FGF1: variants seen among roughly 807,000 people sequenced by gnomAD.
The protein encoded by FGF1 is beta-endothelial cell growth factor.
Under a neutral mutation model 13.4 loss-of-function variants are expected in FGF1, and 9 were observed. The observed-to-expected ratio is 0.67, with a 90% CI of 0.40 to 1.17. The LOEUF (loss-of-function observed/expected upper bound fraction) is 1.17, where lower values mean the gene tolerates loss of function less well. FGF1 is among the 50% of genes most tolerant of loss of function. The pLI, the probability that FGF1 is intolerant of heterozygous loss-of-function variation, is 0.01. For missense variants in FGF1, 156 were observed against 192.7 expected, an observed-to-expected ratio of 0.81 and a Z score of 1.13; for synonymous variants, 93 against 79.0, an observed-to-expected ratio of 1.18 and a Z score of -0.94.
chr5:142,685,286 C>A (rs930207002), intron 1 of FGF1, among the ~76,000 whole-genome samples: 2 of 152,202 alleles, frequency 1.3e-5, no homozygotes, highest in Non-Finnish European at 2.9e-5. Flanking sequence ...AAGAAGTAAT[C>A]CGAGTGACCA....
intron 1 of FGF1, among the ~76,000 whole-genome samples, chr5:142,673,284 C>T (rs1387589563): frequency 3.3e-5 from 5 of 151,984 alleles, no homozygotes; most frequent in Admixed American, 2.0e-4. Context: ...CTTAGTTGAT[C>T]CAAAAATTCC....
At chr5:142,673,872 T>G (rs1335355540) in intron 1 of FGF1, among the ~76,000 whole-genome samples, 1 of 152,180 alleles carries the variant, frequency 6.6e-6, no homozygotes, top group African/African-American at 2.4e-5. Flanking sequence ...TCCACTGCAC[T>G]CAGAACAAAG....
intron 3 of FGF1, among the ~76,000 whole-genome samples, chr5:142,600,392 GGAAT>G (rs898305039): frequency 1.2e-4 from 18 of 151,854 alleles, no homozygotes; most frequent in African/African-American, 3.6e-4. Flanking sequence ...AAACATTTTT[GGAAT>G]GAATGAATGA....
chr5:142,693,820 G>A (rs1435544564), intron 2 of FGF1, among the ~76,000 whole-genome samples: 1 of 152,078 alleles, frequency 6.6e-6, no homozygotes, highest in Non-Finnish European at 1.5e-5. Context: ...ATGTCCTCAA[G>A]GTTCTTCTGT....
intron 2 of FGF1, among the ~76,000 whole-genome samples, chr5:142,605,509 C>T (rs893750094): frequency 1.3e-5 from 2 of 152,068 alleles, no homozygotes; most frequent in African/African-American, 4.8e-5. Context: ...GGCCATGGGG[C>T]TGAATAGGGT....
chr5:142,647,229 C>T (rs1766330367), intron 1 of FGF1, among the ~76,000 whole-genome samples: 1 of 152,108 alleles, frequency 6.6e-6, no homozygotes, highest in South Asian at 2.1e-4. Context: ...TGAAGTTGCC[C>T]CCTCACCACC....
intron 1 of FGF1, among the ~76,000 whole-genome samples, chr5:142,654,216 C>T (rs1767762515): frequency 6.6e-6 from 1 of 152,234 alleles, no homozygotes; most frequent in African/African-American, 2.4e-5. Context: ...GCATCCAGGT[C>T]TTTTTCTAAC....
chr5:142,681,436 A>T (rs1005506968), intron 1 of FGF1, among the ~76,000 whole-genome samples: 4 of 152,072 alleles, frequency 2.6e-5, no homozygotes, highest in African/African-American at 9.7e-5. Flanking sequence ...CCTGGTCAGA[A>T]AAACCTTAGC....
chr5:142,661,799 T>C lies in FGF1; in HGVS notation c.-35+24158A>G, dbSNP rs185100703. On this transcript the variant is annotated intron_variant, in intron 1 of 3. Transcript: ENST00000337706. ...CGGGCAGATCACGAGGTCAGGAGAT[T>C]GAGACCATCCTGGCTAACACGATGA... Among the ~76,000 whole-genome samples the C allele has an allele frequency of 1.0e-3, 159 of 152,208 alleles. 2 individuals carry two copies. The Middle Eastern group carries it at 0.014, about 13-fold the overall frequency.
At chr5:142,689,053 C>T (rs1751715867), upstream of FGF1, among the ~76,000 whole-genome samples, 1 of 152,196 alleles carries the variant, frequency 6.6e-6, no homozygotes, top group African/African-American at 2.4e-5. Flanking sequence ...CCAATATATA[C>T]ATTTTTTTTC....
At chr5:142,637,991 C>T (rs1042594246) in intron 1 of FGF1, among the ~76,000 whole-genome samples, 1 of 151,948 alleles carries the variant, frequency 6.6e-6, no homozygotes, top group Non-Finnish European at 1.5e-5. Context: ...GCTTCATTCA[C>T]CTACTCAGCA....
chr5:142,635,996 A>G (rs767136928), intron 1 of FGF1, among the ~76,000 whole-genome samples: 7 of 152,072 alleles, frequency 4.6e-5, no homozygotes, highest in Non-Finnish European at 1.0e-4. Context: ...TCTTTCCATT[A>G]CTTGTATTTC....
At chr5:142,596,403 G>A (rs1755262148) in intron 3 of FGF1, among the ~76,000 whole-genome samples, 1 of 149,234 alleles carries the variant, frequency 6.7e-6, no homozygotes, top group South Asian at 2.1e-4. Context: ...CCAGGAATTT[G>A]AGGCCAGTCT....
chr5:142,626,809 G>A lies in FGF1; in HGVS notation c.-34-12648C>T, dbSNP rs1597201973. 4 of 152,420 alleles carry A rather than the reference G, an allele frequency of 2.6e-5. 1 individual carries two copies. Among genetic ancestry groups the A allele is most frequent in the Admixed American group, 2.6e-4 (4 of 15,302 alleles). 9.4% of individuals were successfully genotyped at this position (152,420 alleles called of 1,614,324 possible). A position where few individuals can be genotyped will look rare whatever the true frequency, so the allele number is the denominator to read the frequency against. On this transcript the variant is annotated intron_variant, in intron 1 of 3. Coordinates refer to ENST00000337706, the MANE Select transcript of FGF1 (RefSeq NM_000800.5). Reference sequence around the variant, plus strand: ...ATTTGCCATTGCAGATGAAGGGTGGGGGAGAGGCCAGAGACTCCTTCAGAC... The same window carrying A: ...ATTTGCCATTGCAGATGAAGGGTGGAGGAGAGGCCAGAGACTCCTTCAGAC...
intron 1 of FGF1, among the ~76,000 whole-genome samples, chr5:142,661,774 CG>C (rs1296812473): frequency 6.6e-6 from 1 of 152,056 alleles, no homozygotes; most frequent in African/African-American, 2.4e-5. Flanking sequence ...GAGGCCAAGG[CG>C]GGCAGATCAC....
upstream of FGF1, among the ~76,000 whole-genome samples, chr5:142,687,667 G>A (rs1370793056): frequency 2.0e-5 from 3 of 152,210 alleles, no homozygotes; most frequent in Non-Finnish European, 1.5e-5. Flanking sequence ...GCTAGATGTA[G>A]TATGCATGTT....
In FGF1 at chr5:142,692,843, C is replaced by T. The variant is rs1017597147; in HGVS notation, c.-35+4779G>A. Among the ~76,000 whole-genome samples, 11 of 151,976 alleles carry T rather than the reference C, an allele frequency of 7.2e-5. No individual in the cohort carries two copies. In the East Asian group the frequency reaches 2.1e-3, roughly 29 times the overall value. On this transcript the variant is annotated intron_variant, in intron 2 of 4. Transcript: ENST00000407758. Reference sequence around the variant, plus strand: ...TGGCAAAAACAAACAAACAAACAAACAAACAAACAAACAAACCCAATCTGG... The same window carrying T: ...TGGCAAAAACAAACAAACAAACAAATAAACAAACAAACAAACCCAATCTGG...
chr5:142,603,993 G>A (rs1219969234), intron 2 of FGF1, among the ~76,000 whole-genome samples: 1 of 152,220 alleles, frequency 6.6e-6, no homozygotes, highest in Non-Finnish European at 1.5e-5. Flanking sequence ...ACAGTGCTGA[G>A]TGGGAAGAAA....
At chr5:142,598,964 G>A (rs1755877814) in intron 3 of FGF1, among the ~76,000 whole-genome samples, 1 of 152,222 alleles carries the variant, frequency 6.6e-6, no homozygotes, top group African/African-American at 2.4e-5. Flanking sequence ...GACACAGTGA[G>A]GGTGAGGGGC....
Sources: gnomAD v4.1 joint callset for allele counts (sites outside exome capture counted in the v4.1 genomes callset) on GRCh38, gnomAD v4.1.1 for gene constraint, MANE v1.5 for transcripts, NCBI Gene and HGNC (gene_info 2026-07-23, HGNC 2026-07-21) for gene names.